Variants in ITGB8 observed in about 807,000 individuals in gnomAD.
ITGB8 encodes the protein integrin subunit beta 8.
A neutral mutation model predicts 89.5 loss-of-function variants in ITGB8; 30 were observed. The observed-to-expected ratio is 0.34, with a 90% CI of 0.25 to 0.45. The LOEUF is 0.45. Ranked by LOEUF, ITGB8 falls within the 20% of genes least tolerant of loss-of-function variation. The pLI, the probability that ITGB8 is intolerant of heterozygous loss-of-function variation, is 1.00. For missense variants in ITGB8, 836 were observed against 933.3 expected, an observed-to-expected ratio of 0.90 and a Z score of 1.36; for synonymous variants, 335 against 320.4, an observed-to-expected ratio of 1.05 and a Z score of -0.49.
chr7:20,346,060 T>G (rs1784911937), intron 1 of ITGB8, among the ~76,000 whole-genome samples: 1 of 152,150 alleles, frequency 6.6e-6, no homozygotes, highest in South Asian at 2.1e-4. Flanking sequence ...GGTGACATAA[T>G]GTAAGTTACA....
chr7:20,347,387 G>T (rs1784963191), intron 1 of ITGB8, among the ~76,000 whole-genome samples: 1 of 152,120 alleles, frequency 6.6e-6, no homozygotes, highest in Admixed American at 6.6e-5. Flanking sequence ...GGTAAATGGT[G>T]TTTGTAAGAG....
At chr7:20,407,674 C>T (rs900788797) in intron 12 of ITGB8, among the ~76,000 whole-genome samples, 5 of 152,194 alleles carry the variant, frequency 3.3e-5, no homozygotes, top group African/African-American at 1.2e-4. Flanking sequence ...GCGGCAATCA[C>T]TCCAGAAAGC....
intron 7 of ITGB8, 82 bp from the exon 8 acceptor site, chr7:20,394,814 T>C: frequency 1.0e-6 from 1 of 972,590 alleles, no homozygotes; most frequent in Non-Finnish European, 1.6e-6. Context: ...AACTGATAAC[T>C]ACAAAAATAT....
At chr7:20,338,635 GATAA>G (rs1784652446) in intron 1 of ITGB8, among the ~76,000 whole-genome samples, 1 of 152,014 alleles carries the variant, frequency 6.6e-6, no homozygotes, top group Non-Finnish European at 1.5e-5. Context: ...CTCAAAAATA[GATAA>G]ATAAATAATA....
chr7:20,368,577 T>G (rs909303636), intron 3 of ITGB8, among the ~76,000 whole-genome samples: 1 of 152,298 alleles, frequency 6.6e-6, no homozygotes. Context: ...ATTTTTCTAA[T>G]TGAATGCCAA....
In ITGB8 at chr7:20,414,776, G is replaced by A. The variant is rs1787876383; in HGVS notation, c.*4779G>A. 6.6e-6 allele frequency: 1 copy of A among 152,566 alleles called. No individual in the cohort carries two copies. Among genetic ancestry groups the A allele is most frequent in the South Asian group, 2.1e-4 (1 of 4,836 alleles). 9.5% of individuals were successfully genotyped at this position (152,566 alleles called of 1,614,324 possible). A position where few individuals can be genotyped will look rare whatever the true frequency, so the allele number is the denominator to read the frequency against. On this transcript the variant is annotated 3_prime_UTR_variant, in exon 14 of 14. Transcript: ENST00000222573. ...TAATTGTTCAGCTATCTGGGCAGCT[G>A]TTAATGTAAACCTGAGAGTAATAAC...
chr7:20,379,080 C>A lies in ITGB8; in HGVS notation c.418C>A (p.His140Asn). ...GAEANFMLKVHPLKKYPVDLY... is the reference protein window; with the variant it reads ...GAEANFMLKVNPLKKYPVDLY... ...CGAAGCTAATTTTATGCTGAAAGTT[C>A]ATCCTCTGAAGAAATATCCTGTGGA... The change falls in exon 4 of 14, where the codon CAT becomes AAT. Residue 140 changes from histidine to asparagine, a missense_variant. Transcript: ENST00000222573. The A allele has an allele frequency of 1.3e-6, 2 of 1,590,934 alleles. No individual in the cohort carries two copies. The highest frequency in any genetic ancestry group is 2.3e-5 in the South Asian group (2 of 87,076).
Position 20,405,237 on chromosome 7 carries a change from T to TA in ITGB8, c.1913+391dup, listed in dbSNP as rs145252519. Among the ~76,000 whole-genome samples the TA allele has an allele frequency of 5.6e-3, 849 of 152,032 alleles. 6 individuals carry two copies. Among genetic ancestry groups the TA allele is most frequent in the African/African-American group, 0.02 (823 of 41,484 alleles). On this transcript the variant is annotated intron_variant, in intron 11 of 13. Transcript: ENST00000222573. ...CTGTGAAAGTATCAAATGATTCATATAAAAAAACTCACCTTTGTACTTGAT... is the reference window on the plus strand; with the variant it reads ...CTGTGAAAGTATCAAATGATTCATATAAAAAAAACTCACCTTTGTACTTGAT...
rs1384239930 is a variant in ITGB8 at position 20,402,084 on chromosome 7, G to A, written c.1645G>A (p.Asp549Asn). Residue 549 changes from aspartate to asparagine, a missense_variant, in exon 10 of 14, where the codon GAT becomes AAT. Coordinates refer to ENST00000222573, the MANE Select transcript of ITGB8 (RefSeq NM_002214.3). ...AGTGTATGGAAAATACTGTGAAAAGGATGACTTTTCTTGTCCATATCACCA... is the reference window on the plus strand; with the variant it reads ...AGTGTATGGAAAATACTGTGAAAAGAATGACTTTTCTTGTCCATATCACCA... The part of the protein sequence containing the change: ...GKVYGKYCEK[D>N]DFSCPYHHGN... The A allele has an allele frequency of 6.2e-7, 1 of 1,613,858 alleles. No individual in the cohort carries two copies. Among genetic ancestry groups the A allele is most frequent in the East Asian group, 2.2e-5 (1 of 44,870 alleles).
chr7:20,333,808 A>G (rs1214819639), intron 1 of ITGB8, among the ~76,000 whole-genome samples: 1 of 152,204 alleles, frequency 6.6e-6, no homozygotes, highest in Admixed American at 6.5e-5. Flanking sequence ...TGGCAGTTAA[A>G]AACATGCAAA....
chr7:20,379,971 G>C (rs1786310663), intron 4 of ITGB8: 2 of 152,170 alleles, frequency 1.3e-5, no homozygotes, highest in African/African-American at 2.4e-5. Context: ...AAATAAATCT[G>C]TATGGATCTT....
At chr7:20,409,468 C>A in intron 12 of ITGB8, 147 bp from the exon 13 acceptor site, 1 of 567,922 alleles carries the variant, frequency 1.8e-6, no homozygotes, top group Non-Finnish European at 3.0e-6. Context: ...TGTTTTGAAT[C>A]AAAGGTAATT....
chr7:20,382,239 T>A (rs1437443617), intron 6 of ITGB8, among the ~76,000 whole-genome samples: 1 of 152,204 alleles, frequency 6.6e-6, no homozygotes, highest in African/African-American at 2.4e-5. Flanking sequence ...ACGGGGTCGA[T>A]ATCTACAAAC....
chr7:20,362,629 C>G (rs1267072212), intron 1 of ITGB8, among the ~76,000 whole-genome samples: 1 of 152,140 alleles, frequency 6.6e-6, no homozygotes, highest in Non-Finnish European at 1.5e-5. Context: ...TATGTCTCTT[C>G]TCTTCTTGTC....
intron 8 of ITGB8, 60 bp from the exon 9 acceptor site, chr7:20,398,800 G>A: frequency 8.1e-7 from 1 of 1,241,828 alleles, no homozygotes; most frequent in Non-Finnish European, 1.1e-6. Context: ...GCTTGACTCT[G>A]CTTTGTTGCT....
Position 20,413,151 on chromosome 7 carries a change from T to C in ITGB8, c.*3154T>C, listed in dbSNP as rs1028209004. On this transcript the variant is annotated 3_prime_UTR_variant, in exon 14 of 14. Coordinates refer to ENST00000222573, the MANE Select transcript of ITGB8 (RefSeq NM_002214.3). Reference sequence around the variant, plus strand: ...ATTTTTGGAAACTTGCTAATATTTATTAAGTCATAGACTTTTCTGGAGGAC... The same window carrying C: ...ATTTTTGGAAACTTGCTAATATTTACTAAGTCATAGACTTTTCTGGAGGAC... 2 of 152,156 alleles carry C rather than the reference T, an allele frequency of 1.3e-5. No individual in the cohort carries two copies. The highest frequency in any genetic ancestry group is 4.1e-4 in the South Asian group (2 of 4,828). 9.4% of individuals were successfully genotyped at this position (152,156 alleles called of 1,614,324 possible).
At chr7:20,402,170 C>T (rs367915564) in intron 10 of ITGB8, 44 bp downstream of exon 10, 14 of 1,460,724 alleles carry the variant, frequency 9.6e-6, no homozygotes, top group African/African-American at 4.2e-5. Context: ...GTCACTATTA[C>T]ACCAGCATAG....
chr7:20,359,024 G>A (rs1300328168), intron 1 of ITGB8, among the ~76,000 whole-genome samples: 1 of 152,184 alleles, frequency 6.6e-6, no homozygotes, highest in African/African-American at 2.4e-5. Context: ...CATCCACTGT[G>A]CTGCAAAGGA....
At position 20,413,110 on chromosome 7, in the gene ITGB8, T is replaced by A. The variant is rs1787821277; in HGVS notation, c.*3113T>A. The A allele has an allele frequency of 6.6e-6, 1 of 152,122 alleles. No individual in the cohort carries two copies. The highest frequency in any genetic ancestry group is 1.5e-5 in the Non-Finnish European group (1 of 67,972). The allele number at this position is 152,122 out of a possible 1,614,324, so 9.4% of individuals were successfully genotyped here. On this transcript the variant is annotated 3_prime_UTR_variant, in exon 14 of 14. Transcript: ENST00000222573. ...CATTGCACTGCAGTGCACACGTATT[T>A]ATAAACATTTGTTATATTTTTGGAA... is the stretch of plus-strand genomic sequence containing the variant.
Sources: allele counts gnomAD v4.1 joint callset (sites outside exome capture counted in the v4.1 genomes callset), GRCh38; gene constraint gnomAD v4.1.1; transcripts MANE v1.5; gene names NCBI Gene and HGNC (gene_info 2026-07-23, HGNC 2026-07-21).